The following CHST11 variants were observed in gnomAD, a reference collection of about 807,000 sequenced individuals.
CHST11 encodes the protein carbohydrate sulfotransferase 11.
In CHST11, 9 loss-of-function variants were observed where a neutral mutation model predicts 30.4. The ratio of observed to expected loss-of-function variants is 0.30; its 90% confidence interval spans 0.18 to 0.52. The LOEUF is 0.52. Ranked by LOEUF, CHST11 falls within the 20% of genes least tolerant of loss-of-function variation. CHST11 has a pLI of 0.97. For missense variants in CHST11, 348 were observed against 460.6 expected (o/e 0.76, Z 2.24); for synonymous variants, 152 against 187.8 (o/e 0.81, Z 1.56).
chr12:104,514,947 A>C (rs777854631), intron 1 of CHST11, among the ~76,000 whole-genome samples: 2 of 152,174 alleles, frequency 1.3e-5, no homozygotes, highest in African/African-American at 2.4e-5. Flanking sequence ...TGAAGAACCA[A>C]TCTGTTAGGG....
intron 2 of CHST11, among the ~76,000 whole-genome samples, chr12:104,745,894 T>A (rs2040385773): frequency 1.3e-5 from 2 of 152,214 alleles, no homozygotes; most frequent in Admixed American, 1.3e-4. Context: ...ACAGGGGTAG[T>A]TTGACTTCCT....
chr12:104,711,797 A>T (rs1051151051), intron 2 of CHST11, among the ~76,000 whole-genome samples: 2 of 152,236 alleles, frequency 1.3e-5, no homozygotes, highest in East Asian at 3.8e-4. Context: ...TCTGGGTTCC[A>T]GGTCCACCTG....
chr12:104,683,148 G>C (rs73388201), intron 2 of CHST11, among the ~76,000 whole-genome samples: 11,138 of 152,148 alleles, frequency 0.073, 1,093 homozygotes, highest in African/African-American at 0.23. Context: ...TGGGCAGGGG[G>C]AGAATGTCAC....
At chr12:104,669,626 C>A (rs1365291130) in intron 2 of CHST11, among the ~76,000 whole-genome samples, 1 of 152,166 alleles carries the variant, frequency 6.6e-6, no homozygotes, top group Non-Finnish European at 1.5e-5. Context: ...CTAACTCATG[C>A]GCAGTAAACG....
rs117531248 is a variant in CHST11 at position 104,600,427 on chromosome 12, G to A, written c.119-1479G>A. ...GAGAAGTTCCCGCCTTCCTCCCAGG[G>A]GGATCTAAAATAGCTTCTGAAATTT... On this transcript the variant is annotated intron_variant, in intron 1 of 2. Transcript: ENST00000303694. This position sits in a 1 kb window ranked among gnomAD's most constrained non-coding sequence, Gnocchi z 4.1. Among the ~76,000 whole-genome samples, 489 of 152,254 alleles carry A rather than the reference G, an allele frequency of 3.2e-3. 3 individuals are homozygous for A. The highest frequency in any genetic ancestry group is 5.5e-3 in the Non-Finnish European group (371 of 68,016).
chr12:104,714,551 GTGATGATGA>G (rs58768319), intron 2 of CHST11, among the ~76,000 whole-genome samples: 13 of 150,846 alleles, frequency 8.6e-5, no homozygotes, highest in South Asian at 2.1e-4. Context: ...TGTGGAGGTG[GTGATGATGA>G]TGATGATGAT....
At chr12:104,558,502 T>G (rs979497709) in intron 1 of CHST11, among the ~76,000 whole-genome samples, 2 of 151,248 alleles carry the variant, frequency 1.3e-5, no homozygotes, top group African/African-American at 4.9e-5. Flanking sequence ...GAATTAATTC[T>G]GTTGACTATT....
chr12:104,598,110 C>T (rs2038924382), intron 1 of CHST11, among the ~76,000 whole-genome samples: 1 of 152,218 alleles, frequency 6.6e-6, no homozygotes, highest in African/African-American at 2.4e-5. Flanking sequence ...CCATCTGGGC[C>T]TTGGTTACTC....
At chr12:104,462,167 C>CAAAAAAAAAAAAAAAAAAAAAAAAA (rs796356338) in intron 1 of CHST11, among the ~76,000 whole-genome samples, 1 of 65,596 alleles carries the variant, frequency 1.5e-5, no homozygotes, top group African/African-American at 5.2e-5. Flanking sequence ...AACACCATCT[C>CAAAAAAAAAAAAAAAAAAAAAAAAA]AAAAAAAAAA....
chr12:104,583,529 G>A (rs1302417776), intron 1 of CHST11, among the ~76,000 whole-genome samples: 3 of 152,096 alleles, frequency 2.0e-5, no homozygotes, highest in Non-Finnish European at 4.4e-5. Flanking sequence ...AAGCTCACGT[G>A]TGCACCCTCT....
At chr12:104,696,482 C>CAAAAAA (rs10602668) in intron 2 of CHST11, among the ~76,000 whole-genome samples, 1,456 of 68,962 alleles carry the variant, frequency 0.021, no homozygotes, top group Middle Eastern at 0.033. Context: ...GCTAAAAATA[C>CAAAAAA]AAAAAAAAAA....
At chr12:104,521,727 A>G (rs1442680815) in intron 1 of CHST11, among the ~76,000 whole-genome samples, 1 of 152,194 alleles carries the variant, frequency 6.6e-6, no homozygotes, top group Non-Finnish European at 1.5e-5. Context: ...GGGATCCCAC[A>G]GTGATTCTTT....
intron 2 of CHST11, among the ~76,000 whole-genome samples, chr12:104,678,622 T>C (rs531948144): frequency 1.3e-5 from 2 of 152,356 alleles, no homozygotes; most frequent in East Asian, 3.8e-4. Flanking sequence ...ATTCAGCAAT[T>C]GTATCAGTTA....
chr12:104,621,747 A>T (rs2039160881), intron 2 of CHST11, among the ~76,000 whole-genome samples: 7 of 152,198 alleles, frequency 4.6e-5, no homozygotes, highest in Admixed American at 4.6e-4. Context: ...TAACCCCTTG[A>T]CTTTAGGACT....
chr12:104,750,380 A>C (rs1229631355), intron 2 of CHST11, among the ~76,000 whole-genome samples: 5 of 112,230 alleles, frequency 4.5e-5, no homozygotes, highest in African/African-American at 1.7e-4. Flanking sequence ...TTGAATGTTT[A>C]TGTTTGTTTT....
chr12:104,698,219 G>C (rs1173339394), intron 2 of CHST11, among the ~76,000 whole-genome samples: 1 of 152,072 alleles, frequency 6.6e-6, no homozygotes, highest in African/African-American at 2.4e-5. Context: ...CCTTAGCCTG[G>C]CCATCAAGGC....
intron 2 of CHST11, among the ~76,000 whole-genome samples, chr12:104,627,305 T>C (rs2039225730): frequency 1.3e-5 from 2 of 152,204 alleles, no homozygotes; most frequent in African/African-American, 2.4e-5. Context: ...TAAACATCCA[T>C]GCGCAGGTTT....
At chr12:104,744,223 C>G (rs2040370920) in intron 2 of CHST11, among the ~76,000 whole-genome samples, 1 of 152,232 alleles carries the variant, frequency 6.6e-6, no homozygotes, top group Non-Finnish European at 1.5e-5. Flanking sequence ...CTCCCACCAA[C>G]AGTGTATAAG....
At chr12:104,516,590 A>C (rs1467178266) in intron 1 of CHST11, among the ~76,000 whole-genome samples, 2 of 151,990 alleles carry the variant, frequency 1.3e-5, no homozygotes, top group Non-Finnish European at 2.9e-5. Flanking sequence ...GGCCCATCTG[A>C]ACTCCAGGAG....
Sources: allele counts gnomAD v4.1 joint callset (sites outside exome capture counted in the v4.1 genomes callset), GRCh38; gene constraint gnomAD v4.1.1; non-coding constraint Gnocchi (gnomAD v3.1); transcripts MANE v1.5; gene names NCBI Gene and HGNC (gene_info 2026-07-23, HGNC 2026-07-21).